RNF157: variants seen among roughly 807,000 people sequenced by gnomAD.
RNF157 encodes E3 ubiquitin ligase RNF157.
RNF157 carries 55 observed loss-of-function variants against 88.3 expected under a neutral mutation model. The observed-to-expected ratio is 0.62, with a 90% CI of 0.50 to 0.78. The LOEUF (loss-of-function observed/expected upper bound fraction) is 0.78, where lower values mean the gene tolerates loss of function less well. RNF157 is among the 30% of genes least tolerant of loss of function. The pLI is 0.00. For missense variants in RNF157, 788 were observed against 860.8 expected (o/e 0.92, Z 1.06); for synonymous variants, 334 against 341.2 (o/e 0.98, Z 0.23).
intron 1 of RNF157, among the ~76,000 whole-genome samples, chr17:76,218,896 G>A (rs958875742): frequency 3.7e-4 from 56 of 150,272 alleles, no homozygotes; most frequent in African/African-American, 1.3e-3. Context: ...ATCACACCAC[G>A]GCACTCCAGC....
chr17:76,183,500 C>G (rs1211111727), intron 2 of RNF157, among the ~76,000 whole-genome samples: 1 of 151,886 alleles, frequency 6.6e-6, no homozygotes, highest in Non-Finnish European at 1.5e-5. Flanking sequence ...TGTTTCCATG[C>G]TGGAATGCAG....
In RNF157 at chr17:76,173,760, G is replaced by T. The variant is rs749971691; in HGVS notation, c.238C>A (p.Pro80Thr). ...FPYAAPPPQE[P>T]VKTLRSLVNI... ...ACCAGGCTTCTCAGAGTCTTCACGGGTTCTTGGGGAGGTGGGGCGGCGTAA... is the reference window on the plus strand; with the variant it reads ...ACCAGGCTTCTCAGAGTCTTCACGGTTTCTTGGGGAGGTGGGGCGGCGTAA... The change falls in exon 3 of 19, where the codon CCC becomes ACC. Residue 80 changes from proline (P) to threonine (T), a missense_variant. Coordinates refer to ENST00000269391, the MANE Select transcript of RNF157 (RefSeq NM_052916.3). The T allele has an allele frequency of 4.3e-6, 7 of 1,611,050 alleles. 1 individual carries two copies. The South Asian group carries it at 7.7e-5, about 18-fold the overall frequency.
intron 1 of RNF157, among the ~76,000 whole-genome samples, chr17:76,223,074 TAGA>T (rs1187088950): frequency 6.6e-6 from 1 of 151,886 alleles, no homozygotes; most frequent in African/African-American, 2.4e-5. Flanking sequence ...GTATTTTTAG[TAGA>T]GACGGGGTTT....
At chr17:76,221,214 T>C (rs972928976) in intron 1 of RNF157, among the ~76,000 whole-genome samples, 7 of 152,130 alleles carry the variant, frequency 4.6e-5, no homozygotes, top group African/African-American at 1.7e-4. Flanking sequence ...ATGTAAGTCT[T>C]AATAAATTAA....
At chr17:76,164,624 A>T in intron 8 of RNF157, 124 bp downstream of exon 8, 12 of 507,416 alleles carry the variant, frequency 2.4e-5, no homozygotes, top group South Asian at 4.1e-5. Context: ...AAAAAAAAAA[A>T]GAGGAAAAGG....
rs552473728 is a variant in RNF157 at position 76,165,866 on chromosome 17, C to T, written c.629-321G>A. Among the ~76,000 whole-genome samples the T allele has an allele frequency of 3.9e-5, 6 of 151,928 alleles. No individual in the cohort carries two copies. In the South Asian group the frequency reaches 1.2e-3, roughly 32 times the overall value. On this transcript the variant is annotated intron_variant, in intron 6 of 18. Transcript: ENST00000269391. ...TACTTTTCTGTATTTTTAGTAGAGACGGGGTTTCACTATGTTGGTCAGGCT... is the reference window on the plus strand; with the variant it reads ...TACTTTTCTGTATTTTTAGTAGAGATGGGGTTTCACTATGTTGGTCAGGCT...
chr17:76,216,120 A>G (rs2145036663), intron 1 of RNF157, among the ~76,000 whole-genome samples: 1 of 152,326 alleles, frequency 6.6e-6, no homozygotes, highest in African/African-American at 2.4e-5. Context: ...TGTTACACAG[A>G]TGGATGGCTT....
intron 14 of RNF157, 35 bp downstream of exon 14, chr17:76,156,175 G>A (rs780581048): frequency 2.0e-6 from 3 of 1,527,436 alleles, no homozygotes; most frequent in South Asian, 1.1e-5. Context: ...GGGTAAGGGG[G>A]AAGGACATGC....
At position 76,166,342 on chromosome 17, in the gene RNF157, T is replaced by C. The variant is rs2068924118; in HGVS notation, c.628+119A>G. ...GATGTGAGAGGATGCAGAGACTGCC[T>C]GACTCACAGTCACAAACACCCACAA... On this transcript the variant is annotated intron_variant, in intron 6 of 18. Transcript: ENST00000269391. The C allele has an allele frequency of 4.9e-6, 4 of 820,288 alleles. No homozygotes were observed. In the Admixed American group the frequency reaches 5.8e-5, roughly 12 times the overall value. The allele number at this position is 820,288 out of a possible 1,614,324, so 50.8% of individuals were successfully genotyped here.
chr17:76,189,015 C>A (rs2069339042), intron 2 of RNF157, among the ~76,000 whole-genome samples: 1 of 151,994 alleles, frequency 6.6e-6, no homozygotes, highest in Non-Finnish European at 1.5e-5. Flanking sequence ...AAATACCTAG[C>A]CAAGTACATC....
Position 76,212,484 on chromosome 17 carries a change from T to C in RNF157, c.89-2A>G, listed in dbSNP as rs977956364. 1 of 1,580,722 alleles carries C rather than the reference T, an allele frequency of 6.3e-7. No homozygotes were observed. Reference sequence around the variant, plus strand: ...TGAAGTGGCTGGCAAAATAGCTTCCTAGAGAGGAACAAACAAAAAAAATCA... The same window carrying C: ...TGAAGTGGCTGGCAAAATAGCTTCCCAGAGAGGAACAAACAAAAAAAATCA... On this transcript the variant is annotated splice_acceptor_variant, in intron 1 of 18. Transcript: ENST00000269391. LOFTEE classifies it high-confidence loss of function.
At chr17:76,198,789 C>T (rs1042499716) in intron 2 of RNF157, among the ~76,000 whole-genome samples, 8 of 152,182 alleles carry the variant, frequency 5.3e-5, no homozygotes, top group Non-Finnish European at 7.4e-5. Flanking sequence ...GACAAAAATT[C>T]GAAGCTCACA....
chr17:76,177,315 C>G (rs999874845), intron 2 of RNF157, among the ~76,000 whole-genome samples: 3 of 150,584 alleles, frequency 2.0e-5, no homozygotes, highest in Non-Finnish European at 3.0e-5. Flanking sequence ...CCCACCCCCC[C>G]GCCCCAGCAG....
intron 1 of RNF157, among the ~76,000 whole-genome samples, chr17:76,218,618 C>G (rs1234811302): frequency 1.3e-5 from 2 of 151,814 alleles, no homozygotes; most frequent in African/African-American, 4.8e-5. Context: ...GCCTGGGCAA[C>G]AGAGTGAGAC....
intron 3 of RNF157, 150 bp from the exon 4 acceptor site, chr17:76,167,947 T>A (rs2068954586): frequency 1.3e-6 from 1 of 764,784 alleles, no homozygotes; most frequent in African/African-American, 1.8e-5. Context: ...GAGTGCTTCA[T>A]GACCCATGTT....
chr17:76,183,267 T>C (rs953333205), intron 2 of RNF157, among the ~76,000 whole-genome samples: 44 of 151,304 alleles, frequency 2.9e-4, no homozygotes, highest in Non-Finnish European at 1.3e-4. Flanking sequence ...AAACTGCAGA[T>C]CCCAGGGCCC....
At chr17:76,158,532 T>C (rs772398605) in intron 12 of RNF157, 31 bp from the exon 13 acceptor site, 1 of 1,454,550 alleles carries the variant, frequency 6.9e-7, no homozygotes, top group South Asian at 1.1e-5. Flanking sequence ...AGCAGCTATA[T>C]CCAACGTCCA....
At position 76,155,243 on chromosome 17, in the gene RNF157, T is replaced by A. The variant is rs201501148; in HGVS notation, c.1764+9A>T. The A allele has an allele frequency of 2.3e-4, 364 of 1,613,466 alleles. 1 individual carries two copies. Among genetic ancestry groups the A allele is most frequent in the Non-Finnish European group, 2.7e-4 (314 of 1,179,478 alleles). On this transcript the variant is annotated intron_variant, in intron 16 of 18. Transcript: ENST00000269391. The stretch of plus-strand genomic sequence containing the variant: ...GGAAGGGGGCACCACTCCGTGCTGT[T>A]GGGGTTACCTCTGCATCCTGCTCTC...
chr17:76,222,346 CAAAAAA>C (rs1162600459), intron 1 of RNF157, among the ~76,000 whole-genome samples: 1 of 78,268 alleles, frequency 1.3e-5, no homozygotes. Context: ...GACCCCGTCT[CAAAAAA>C]AAAAAAAAAA....
Sources: gnomAD v4.1 joint callset for allele counts (sites outside exome capture counted in the v4.1 genomes callset) on GRCh38, gnomAD v4.1.1 for gene constraint, MANE v1.5 for transcripts, NCBI Gene and HGNC (gene_info 2026-07-23, HGNC 2026-07-21) for gene names.